Variants in TAF9 observed in about 807,000 individuals in gnomAD.
TAF9 encodes TATA-box binding protein associated factor 9.
A neutral mutation model predicts 16.5 loss-of-function variants in TAF9; 10 were observed. The ratio of observed to expected loss-of-function variants is 0.61; its 90% CI spans 0.37 to 1.03. The LOEUF (loss-of-function observed/expected upper bound fraction) is 1.03, where lower values mean the gene tolerates loss of function less well. TAF9 is among the 50% of genes least tolerant of loss of function. TAF9 has a pLI of 0.01. For missense variants in TAF9, 288 were observed against 319.1 expected (o/e 0.90, Z 0.74); for synonymous variants, 105 against 120.5 (o/e 0.87, Z 0.84).
intron 2 of TAF9, 48 bp from the exon 3 acceptor site, chr5:69,365,802 G>T: frequency 7.6e-7 from 1 of 1,310,428 alleles, no homozygotes; most frequent in Non-Finnish European, 1.0e-6. Context: ...ATCTGAAATA[G>T]TTACTTTAGT....
chr5:69,369,822 C>A, upstream of TAF9: 1 of 1,022,268 alleles, frequency 9.8e-7, no homozygotes, highest in Non-Finnish European at 1.4e-6. Flanking sequence ...GAGGCCGTAC[C>A]TCCGAGAGGC....
chr5:69,365,115 G>A lies in TAF9; in HGVS notation c.623C>T (p.Ala208Val). ...AVKASIPATS[A>V]VQNVLINPSL... ...TGGATTAATCAGAACATTCTGAACTGCTGAGGTTGCAGGAATTGAAGCTTT... is the reference window on the plus strand; with the variant it reads ...TGGATTAATCAGAACATTCTGAACTACTGAGGTTGCAGGAATTGAAGCTTT... The change falls in exon 3 of 3, where the codon GCA becomes GTA. Residue 208 changes from alanine (A) to valine (V), a missense_variant. Coordinates refer to ENST00000217893, the MANE Select transcript of TAF9 (RefSeq NM_003187.5). The A allele has an allele frequency of 6.2e-7, 1 of 1,614,220 alleles. No homozygotes were observed. The highest frequency in any genetic ancestry group is 8.5e-7 in the Non-Finnish European group (1 of 1,180,050).
At position 69,365,322 on chromosome 5, in the gene TAF9, GAA is replaced by G; in HGVS notation, c.414_415del (p.Ser139CysfsTer16). On this transcript the variant is annotated frameshift_variant, in exon 3 of 3. Transcript: ENST00000217893. LOFTEE classifies it high-confidence loss of function. Reference sequence around the variant, plus strand: ...CCGCGGGACTGTTATTCTTCCCGCAGAAGTTGATGCCTTTTTCTGTAAAGATT... The same window carrying G: ...CCGCGGGACTGTTATTCTTCCCGCAGGTTGATGCCTTTTTCTGTAAAGATT... 6.2e-7 allele frequency: 1 copy of G among 1,614,238 alleles called. No homozygotes were observed. The highest frequency in any genetic ancestry group is 8.5e-7 in the Non-Finnish European group (1 of 1,180,042).
chr5:69,368,249 C>T (rs1762591131), intron 1 of TAF9, among the ~76,000 whole-genome samples: 1 of 152,072 alleles, frequency 6.6e-6, no homozygotes, highest in Non-Finnish European at 1.5e-5. Context: ...CTTTACCTTC[C>T]CCTTCTGATA....
At chr5:69,368,655 TC>T (rs1240857132) in intron 1 of TAF9, among the ~76,000 whole-genome samples, 2 of 152,198 alleles carry the variant, frequency 1.3e-5, no homozygotes, top group Non-Finnish European at 2.9e-5. Flanking sequence ...ACTTTACTGT[TC>T]CCACAAAGAG....
intron 2 of TAF9, among the ~76,000 whole-genome samples, chr5:69,366,040 G>C (rs1380157294): frequency 1.3e-5 from 2 of 152,110 alleles, no homozygotes; most frequent in East Asian, 3.9e-4. Flanking sequence ...TAAAAACAAT[G>C]ATCATCTTAG....
Position 69,366,536 on chromosome 5 carries a change from T to C in TAF9, c.-51A>G. The C allele has an allele frequency of 6.2e-7, 1 of 1,614,096 alleles. No homozygotes were observed. The highest frequency in any genetic ancestry group is 8.5e-7 in the Non-Finnish European group (1 of 1,180,004). On this transcript the variant is annotated 5_prime_UTR_variant, in exon 2 of 3. Coordinates refer to ENST00000217893, the MANE Select transcript of TAF9 (RefSeq NM_003187.5). Reference sequence around the variant, plus strand: ...GCTAAATCACCCACATTAATGTATTTCAGTCCTGATTTTGACGCAAGTTCT... The same window carrying C: ...GCTAAATCACCCACATTAATGTATTCCAGTCCTGATTTTGACGCAAGTTCT...
At chr5:69,366,437 C>T (rs1762428098) in intron 2 of TAF9, 66 bp downstream of exon 2, 2 of 1,292,714 alleles carry the variant, frequency 1.5e-6, no homozygotes, top group Admixed American at 3.5e-5. Flanking sequence ...ATACCCAGCA[C>T]TAACACTCCA....
chr5:69,369,475 T>C lies in TAF9; in HGVS notation c.-123A>G. 1.9e-6 allele frequency: 3 copies of C among 1,610,998 alleles called. No homozygotes were observed. The highest frequency in any genetic ancestry group is 1.1e-5 in the South Asian group (1 of 90,896). ...CGCGCGCCCTGACCGGTGAGCAGGA[T>C]GTTCGGAAGCAACATGGTCCCCGCC... On this transcript the variant is annotated 5_prime_UTR_variant, in exon 1 of 3. Coordinates refer to ENST00000217893, the MANE Select transcript of TAF9 (RefSeq NM_003187.5).
rs765995241 is a variant in TAF9 at position 69,365,324 on chromosome 5, A to C, written c.414T>G (p.Thr138=). 1 of 1,614,232 alleles carries C rather than the reference A, an allele frequency of 6.2e-7. No homozygotes were observed. Among genetic ancestry groups the C allele is most frequent in the Non-Finnish European group, 8.5e-7 (1 of 1,180,040 alleles). ...GCGGGACTGTTATTCTTCCCGCAGA[A>C]GTTGATGCCTTTTTCTGTAAAGATT... ...RLKSLQKKAS[T]SAGRITVPRL... is the part of the protein sequence containing the mutation. Residue 138 remains threonine, a synonymous_variant, in exon 3 of 3, where the codon ACT becomes ACG. Transcript: ENST00000217893.
chr5:69,365,628 T>C lies in TAF9; in HGVS notation c.110A>G (p.Asn37Ser), dbSNP rs376244246. 39 of 1,614,134 alleles carry C rather than the reference T, an allele frequency of 2.4e-5. No homozygotes were observed. The East Asian group carries it at 2.9e-4, about 12-fold the overall frequency. ...GITEYEPRVI[N>S]QMLEFAFRYV... ...TCGGAAGGCAAACTCCAACATCTGA[T>C]TTATAACTCTTGGCTCATATTCTGT... The change falls in exon 3 of 3, where the codon AAT becomes AGT. Residue 37 changes from asparagine (N) to serine (S), a missense_variant. Transcript: ENST00000217893.
In TAF9 at chr5:69,365,505, C is replaced by T. The variant is rs770789569; in HGVS notation, c.233G>A (p.Arg78His). Reference sequence around the variant, plus strand: ...AGGAGAGGTAAAAGACTGATCAGCGCGGCACTGGATTGCCAATCGCACATC... The same window carrying T: ...AGGAGAGGTAAAAGACTGATCAGCGTGGCACTGGATTGCCAATCGCACATC... The part of the protein sequence containing the change: ...ADDVRLAIQC[R>H]ADQSFTSPPP... Residue 78 changes from arginine to histidine, a missense_variant, in exon 3 of 3, where the codon CGC becomes CAC. Transcript: ENST00000217893. The T allele has an allele frequency of 2.7e-5, 43 of 1,613,734 alleles. No homozygotes were observed. Among genetic ancestry groups the T allele is most frequent in the South Asian group, 4.4e-5 (4 of 91,028 alleles).
chr5:69,369,562 C>A, upstream of TAF9: 1 of 1,607,520 alleles, frequency 6.2e-7, no homozygotes, highest in Non-Finnish European at 8.5e-7. Flanking sequence ...CCGGAAGGGG[C>A]GGGCGGCAGC....
chr5:69,369,167 G>C (rs774441494), intron 1 of TAF9: 5 of 485,772 alleles, frequency 1.0e-5, no homozygotes, highest in Non-Finnish European at 1.4e-5. Context: ...CGAAATACCA[G>C]ATTCAGAAAG....
intron 1 of TAF9, chr5:69,369,057 A>G (rs1762686717): frequency 4.0e-6 from 1 of 249,018 alleles, no homozygotes. Flanking sequence ...TGAGGCATCC[A>G]CCATTAATGA....
At position 69,369,490 on chromosome 5, in the gene TAF9, T is replaced by G. The variant is rs767191734; in HGVS notation, c.-138A>C. The G allele has an allele frequency of 1.3e-5, 21 of 1,611,344 alleles. No homozygotes were observed. The highest frequency in any genetic ancestry group is 1.8e-5 in the Non-Finnish European group (21 of 1,179,296). Reference sequence around the variant, plus strand: ...GTGAGCAGGATGTTCGGAAGCAACATGGTCCCCGCCGCGACGGCTTCGGGC... The same window carrying G: ...GTGAGCAGGATGTTCGGAAGCAACAGGGTCCCCGCCGCGACGGCTTCGGGC... On this transcript the variant is annotated 5_prime_UTR_variant, in exon 1 of 3. An upstream start codon of the reference 5' UTR is lost. Coordinates refer to ENST00000217893, the MANE Select transcript of TAF9 (RefSeq NM_003187.5).
chr5:69,369,794 A>T, upstream of TAF9: 1 of 1,332,792 alleles, frequency 7.5e-7, no homozygotes, highest in Non-Finnish European at 1.0e-6. Flanking sequence ...TGCGCCGACC[A>T]GTCTGGAAGG....
chr5:69,365,469 T>C lies in TAF9; in HGVS notation c.269A>G (p.Asp90Gly). ...DQSFTSPPPR[D>G]FLLDIARQRN... is the part of the protein sequence containing the mutation. ...TTGCCTTGCAATATCTAATAAAAAA[T>C]CTCTTGGGGGAGGAGAGGTAAAAGA... The change falls in exon 3 of 3, where the codon GAT becomes GGT. Residue 90 changes from aspartate (D) to glycine (G), a missense_variant. Transcript: ENST00000217893. 6.2e-7 allele frequency: 1 copy of C among 1,614,126 alleles called. No homozygotes were observed. Among genetic ancestry groups the C allele is most frequent in the Non-Finnish European group, 8.5e-7 (1 of 1,180,028 alleles).
intron 1 of TAF9, among the ~76,000 whole-genome samples, chr5:69,367,198 G>A (rs1401469505): frequency 3.3e-5 from 5 of 151,990 alleles, no homozygotes; most frequent in Admixed American, 6.6e-5. Context: ...TGCTGCTACC[G>A]GGGAACTGCT....
Sources: gnomAD v4.1 joint callset for allele counts (sites outside exome capture counted in the v4.1 genomes callset) on GRCh38, gnomAD v4.1.1 for gene constraint, MANE v1.5 for transcripts, NCBI Gene and HGNC (gene_info 2026-07-23, HGNC 2026-07-21) for gene names.